The following TGFBR2 variants were observed in gnomAD, a reference collection of about 807,000 sequenced individuals.
The protein encoded by TGFBR2 is TGF-beta receptor type-2.
In TGFBR2, 18 loss-of-function variants were observed where a neutral mutation model predicts 49.0. The ratio of observed to expected loss-of-function variants is 0.37; its 90% CI spans 0.25 to 0.54. TGFBR2 has a LOEUF of 0.54. Among genes scored for constraint, TGFBR2 ranks in the 20% least tolerant of loss-of-function variants. TGFBR2 has a pLI of 0.85. For synonymous variants in TGFBR2, 282 were observed against 275.9 expected (o/e 1.02, Z -0.22); for missense variants, 525 against 722.6 (o/e 0.73, Z 3.13).
intron 1 of TGFBR2, among the ~76,000 whole-genome samples, chr3:30,630,618 A>T (rs1698417143): frequency 6.6e-6 from 1 of 152,118 alleles, no homozygotes; most frequent in African/African-American, 2.4e-5. Flanking sequence ...TTTTCTCACC[A>T]ACTACTGTGG....
chr3:30,693,967 A>T lies in TGFBR2; in HGVS notation c.*2368A>T, dbSNP rs546652502. ...TTTATGGAACACTTCAGCTGTACTC[A>T]TGTATTAAAATAGGAATGTGAATGC... On this transcript the variant is annotated 3_prime_UTR_variant, in exon 7 of 7. Coordinates refer to ENST00000295754, the MANE Select transcript of TGFBR2 (RefSeq NM_003242.6). 201 of 229,900 alleles carry T rather than the reference A, an allele frequency of 8.7e-4. 1 individual carries two copies. The highest frequency in any genetic ancestry group is 4.2e-3 in the African/African-American group (189 of 45,252). 14.2% of individuals were successfully genotyped at this position (229,900 alleles called of 1,614,324 possible).
chr3:30,663,486 G>T (rs1699184262), intron 3 of TGFBR2, among the ~76,000 whole-genome samples: 1 of 152,168 alleles, frequency 6.6e-6, no homozygotes, highest in Non-Finnish European at 1.5e-5. Flanking sequence ...ATTTTTTAAA[G>T]ATTCTGGTGT....
chr3:30,618,582 C>T (rs1698172803), intron 1 of TGFBR2, among the ~76,000 whole-genome samples: 1 of 152,110 alleles, frequency 6.6e-6, no homozygotes. Flanking sequence ...ATCATGTTTA[C>T]CTCATTAGGC....
chr3:30,647,666 A>C (rs1698769955), intron 2 of TGFBR2, among the ~76,000 whole-genome samples: 1 of 144,098 alleles, frequency 6.9e-6, no homozygotes, highest in Admixed American at 6.9e-5. Flanking sequence ...TTTTATAACC[A>C]AAATTATTAT....
At chr3:30,664,970 G>A (rs1459801626) in intron 3 of TGFBR2, among the ~76,000 whole-genome samples, 2 of 152,236 alleles carry the variant, frequency 1.3e-5, no homozygotes, top group African/African-American at 4.8e-5. Flanking sequence ...AAGGAGTTTA[G>A]GGTGAACATT....
chr3:30,628,286 G>A lies in TGFBR2; in HGVS notation c.95-16461G>A, dbSNP rs184300666. Among the ~76,000 whole-genome samples, 79 of 151,946 alleles carry A rather than the reference G, an allele frequency of 5.2e-4. No individual in the cohort carries two copies. The South Asian group carries it at 7.1e-3, about 14-fold the overall frequency. ...ATTCTGGGGAAAGGGAAGTTAAAGC[G>A]GCCAATAGAAATCTCCTAGGAGAAA... On this transcript the variant is annotated intron_variant, in intron 1 of 6. Transcript: ENST00000295754.
intron 3 of TGFBR2, among the ~76,000 whole-genome samples, chr3:30,657,181 C>A (rs149272543): frequency 6.6e-6 from 1 of 152,310 alleles, no homozygotes; most frequent in African/African-American, 2.4e-5. Flanking sequence ...AAGGAATACC[C>A]TTACCCTTCC....
chr3:30,650,393 T>C lies in TGFBR2; in HGVS notation c.387T>C (p.Pro129=), dbSNP rs1414240560. Residue 129 remains proline, a synonymous_variant, in exon 3 of 7, where the codon CCT becomes CCC. Coordinates refer to ENST00000295754, the MANE Select transcript of TGFBR2 (RefSeq NM_003242.6). ...GCATTATGAAGGAAAAAAAAAAGCC[T>C]GGTGAGACTTTCTTCATGTGTTCCT... The part of the protein sequence containing the change: ...PKCIMKEKKK[P]GETFFMCSCS... 1.2e-6 allele frequency: 2 copies of C among 1,613,224 alleles called. No homozygotes were observed. Among genetic ancestry groups the C allele is most frequent in the East Asian group, 2.2e-5 (1 of 44,884 alleles).
At chr3:30,660,034 C>T (rs184757008) in intron 3 of TGFBR2, among the ~76,000 whole-genome samples, 5 of 152,280 alleles carry the variant, frequency 3.3e-5, no homozygotes, top group Admixed American at 3.3e-4. Context: ...ATCGCTCCTG[C>T]ATGTTACCTG....
At chr3:30,646,849 C>T (rs1698750880) in intron 2 of TGFBR2, among the ~76,000 whole-genome samples, 1 of 152,056 alleles carries the variant, frequency 6.6e-6, no homozygotes, top group Admixed American at 6.6e-5. Context: ...AATACAAGCC[C>T]AAATCATTAA....
At chr3:30,638,147 G>A (rs753047211) in intron 1 of TGFBR2, among the ~76,000 whole-genome samples, 7 of 152,100 alleles carry the variant, frequency 4.6e-5, no homozygotes, top group Non-Finnish European at 7.3e-5. Flanking sequence ...ATTTAAAGTA[G>A]CGTTTTTTTA....
rs2125451978 is a variant in TGFBR2 at position 30,688,454 on chromosome 3, C to A, written c.1467C>A (p.Asp489Glu). ...ACCCCTGTGTCGAAAGCATGAAGGA[C>A]AACGTGTTGAGAGATCGAGGGCGAC... ...REHPCVESMK[D>E]NVLRDRGRPE... is the part of the protein sequence containing the mutation. Residue 489 changes from aspartate (D) to glutamate (E), a missense_variant, in exon 6 of 7, where the codon GAC becomes GAA. By Grantham distance (45) the Asp-to-Glu change is conservative (BLOSUM62 2). This residue lies in a region of TGFBR2 where 104 missense variants were observed against 133.4 expected (regional missense o/e 0.78). Transcript: ENST00000295754. The A allele has an allele frequency of 6.2e-7, 1 of 1,614,202 alleles. No homozygotes were observed. The highest frequency in any genetic ancestry group is 8.5e-7 in the Non-Finnish European group (1 of 1,180,022).
chr3:30,643,915 A>T (rs1698684911), intron 1 of TGFBR2, among the ~76,000 whole-genome samples: 1 of 152,198 alleles, frequency 6.6e-6, no homozygotes, highest in Non-Finnish European at 1.5e-5. Context: ...GAAAGGCCTG[A>T]GGAGGGAATG....
rs1322758893 is a variant in TGFBR2, at chr3:30,672,714, G to GT, written c.1254+283dup. Among the ~76,000 whole-genome samples the GT allele has an allele frequency of 5.3e-5, 8 of 152,128 alleles. No homozygotes were observed. Among genetic ancestry groups the GT allele is most frequent in the Non-Finnish European group, 8.8e-5 (6 of 68,018 alleles). ...AATCCTCATTTCTCTTCCAGCAAAT[G>GT]TTTTTTCTTTGTTTCAAGCACTGTT... is the stretch of plus-strand genomic sequence containing the variant. On this transcript the variant is annotated intron_variant, in intron 4 of 6. Coordinates refer to ENST00000295754, the MANE Select transcript of TGFBR2 (RefSeq NM_003242.6). This position sits in a 1 kb window ranked among gnomAD's most constrained non-coding sequence, Gnocchi z 4.5.
chr3:30,625,161 G>A (rs958722314), intron 1 of TGFBR2, among the ~76,000 whole-genome samples: 3 of 152,054 alleles, frequency 2.0e-5, no homozygotes, highest in African/African-American at 7.2e-5. Flanking sequence ...CTCAAATTTT[G>A]AACATATTAA....
Position 30,672,140 on chromosome 3 carries a change from A to G in TGFBR2, c.957A>G (p.Lys319=), listed in dbSNP as rs1699352410. The change falls in exon 4 of 7, where the codon AAA becomes AAG. Residue 319 remains lysine (K), a synonymous_variant. Transcript: ENST00000295754. This position sits in a 1 kb window ranked among gnomAD's most constrained non-coding sequence, Gnocchi z 4.5. ...AGGAGCGGAAGACGGAGTTGGGGAA[A>G]CAATACTGGCTGATCACCGCCTTCC... The part of the protein sequence containing the change: ...TAEERKTELG[K]QYWLITAFHA... The G allele has an allele frequency of 6.2e-7, 1 of 1,614,190 alleles. No individual in the cohort carries two copies. Among genetic ancestry groups the G allele is most frequent in the South Asian group, 1.1e-5 (1 of 91,086 alleles).
At chr3:30,623,077 T>C in intron 1 of TGFBR2, 1 of 677,852 alleles carries the variant, frequency 1.5e-6, no homozygotes, top group Non-Finnish European at 2.7e-6. Context: ...CTAGTTATAA[T>C]AATCTTTTAA....
intron 1 of TGFBR2, among the ~76,000 whole-genome samples, chr3:30,618,202 C>T (rs1156506369): frequency 6.6e-6 from 1 of 151,818 alleles, no homozygotes; most frequent in Non-Finnish European, 1.5e-5. Context: ...AACTGTAGAA[C>T]CCAAGGACCC....
intron 3 of TGFBR2, among the ~76,000 whole-genome samples, chr3:30,663,763 T>TA (rs1699189002): frequency 6.6e-6 from 1 of 152,204 alleles, no homozygotes; most frequent in Non-Finnish European, 1.5e-5. Flanking sequence ...GACCAGTGGT[T>TA]ACAAGAGTGT....
Sources: gnomAD v4.1 joint callset for allele counts (sites outside exome capture counted in the v4.1 genomes callset) on GRCh38, gnomAD v4.1.1 for gene constraint, gnomAD v4.1.1 regional missense constraint, Gnocchi (gnomAD v3.1) non-coding constraint, MANE v1.5 for transcripts, NCBI Gene and HGNC (gene_info 2026-07-23, HGNC 2026-07-21) for gene names.